The following SLC36A4 variants were observed in gnomAD, a reference collection of about 807,000 sequenced individuals.
SLC36A4 encodes neutral amino acid uniporter 4.
Under a neutral mutation model 50.5 loss-of-function variants are expected in SLC36A4, and 49 were observed. The ratio of observed to expected loss-of-function variants is 0.97; its 90% CI spans 0.77 to 1.23. SLC36A4 has a LOEUF of 1.23. Among genes scored for constraint, SLC36A4 ranks in the 50% most tolerant of loss-of-function variants. The pLI, the probability that SLC36A4 is intolerant of heterozygous loss-of-function variation, is 0.00. For synonymous variants in SLC36A4, 207 were observed against 206.5 expected (o/e 1.00, Z -0.02); for missense variants, 611 against 608.4 (o/e 1.00, Z -0.05).
intron 7 of SLC36A4, 98 bp downstream of exon 7, chr11:93,167,846 T>C (rs575062361): frequency 1.4e-6 from 1 of 703,604 alleles, no homozygotes; most frequent in East Asian, 2.6e-5. Context: ...ACATATGAAG[T>C]AGGGGTCTTT....
chr11:93,158,970 TG>T (rs1198404987), intron 9 of SLC36A4, among the ~76,000 whole-genome samples: 1 of 152,136 alleles, frequency 6.6e-6, no homozygotes, highest in Non-Finnish European at 1.5e-5. Flanking sequence ...CCAAAGCTCC[TG>T]AGAGTTACAG....
intron 10 of SLC36A4, chr11:93,152,705 T>C (rs1222699329): frequency 1.3e-5 from 2 of 152,042 alleles, no homozygotes; most frequent in African/African-American, 4.8e-5. Context: ...GGTGAAGTTA[T>C]AAAAAAATCC....
intron 3 of SLC36A4, 136 bp from the exon 4 acceptor site, chr11:93,183,030 A>T (rs1167586834): frequency 2.8e-5 from 17 of 597,234 alleles, no homozygotes; most frequent in Non-Finnish European, 4.1e-5. Flanking sequence ...TGCATAAGGG[A>T]AAACTAATAA....
intron 2 of SLC36A4, 44 bp downstream of exon 2, chr11:93,185,647 T>C (rs1178742188): frequency 1.3e-6 from 2 of 1,506,962 alleles, no homozygotes; most frequent in Non-Finnish European, 1.8e-6. Flanking sequence ...ACAAAATACA[T>C]ACTGAATTAA....
chr11:93,173,467 A>T (rs1861284410), intron 6 of SLC36A4, among the ~76,000 whole-genome samples: 1 of 148,662 alleles, frequency 6.7e-6, no homozygotes, highest in East Asian at 2.0e-4. Flanking sequence ...CCCATTTGTC[A>T]ATTTTGTCTT....
At chr11:93,187,293 TC>T (rs1160710011) in intron 1 of SLC36A4, among the ~76,000 whole-genome samples, 1 of 152,228 alleles carries the variant, frequency 6.6e-6, no homozygotes, top group Non-Finnish European at 1.5e-5. Context: ...TTACTACATG[TC>T]TTGGGGTTGA....
chr11:93,186,053 C>T (rs1170600667), intron 1 of SLC36A4, among the ~76,000 whole-genome samples: 1 of 152,110 alleles, frequency 6.6e-6, no homozygotes, highest in East Asian at 1.9e-4. Context: ...ATATTAAATG[C>T]AAAACTTTTT....
rs190594429 is a variant in SLC36A4 at position 93,162,932 on chromosome 11, G to T, written c.868-57C>A. 461 of 1,518,696 alleles carry T rather than the reference G, an allele frequency of 3.0e-4. 5 individuals are homozygous for T. The African/African-American group carries it at 5.9e-3, about 20-fold the overall frequency. The allele number at this position is 1,518,696 out of a possible 1,614,324, so 94.1% of individuals were successfully genotyped here. On this transcript the variant is annotated intron_variant, in intron 8 of 10. Transcript: ENST00000326402. The stretch of plus-strand genomic sequence containing the variant: ...GGAATACAAGTATTTAAAAATAACA[G>T]TGTCTCTTATACATACAAATTGGTT...
intron 10 of SLC36A4, among the ~76,000 whole-genome samples, chr11:93,153,567 T>C (rs2134630266): frequency 6.6e-6 from 1 of 152,154 alleles, no homozygotes; most frequent in East Asian, 1.9e-4. Flanking sequence ...GAACTCAAGC[T>C]CCCTTTCCAT....
chr11:93,177,504 C>A (rs2134683811), intron 6 of SLC36A4, among the ~76,000 whole-genome samples: 1 of 152,198 alleles, frequency 6.6e-6, no homozygotes, highest in Admixed American at 6.5e-5. Context: ...TGGCGAGGAG[C>A]TGCGTTCCTT....
chr11:93,181,737 C>A lies in SLC36A4; in HGVS notation c.409G>T (p.Glu137Ter). Residue 137 changes from glutamate (E) to a stop codon, truncating the protein, a stop_gained, in exon 5 of 11, where the codon GAA becomes TAA. Transcript: ENST00000326402. LOFTEE classifies it high-confidence loss of function. ...TGAAGACAACTCCAAGGACTCACTTCCATAGCAAAGCTCACAGTGTCACTA... is the reference window on the plus strand; with the variant it reads ...TGAAGACAACTCCAAGGACTCACTTACATAGCAAAGCTCACAGTGTCACTA... Reference protein sequence around the residue: ...GYSDTVSFAMEVSPWSCLQKQ... With the variant: ...GYSDTVSFAM The A allele has an allele frequency of 6.5e-7, 1 of 1,546,020 alleles. No individual in the cohort carries two copies. The highest frequency in any genetic ancestry group is 2.3e-5 in the East Asian group (1 of 42,756).
chr11:93,172,714 C>T (rs373632334), intron 6 of SLC36A4, among the ~76,000 whole-genome samples: 4 of 133,332 alleles, frequency 3.0e-5, no homozygotes, highest in East Asian at 2.2e-4. Context: ...TTTGTTCTTG[C>T]GATAGTTTAC....
At chr11:93,187,792 T>G (rs1026009391) in intron 1 of SLC36A4, among the ~76,000 whole-genome samples, 1 of 152,126 alleles carries the variant, frequency 6.6e-6, no homozygotes, top group Non-Finnish European at 1.5e-5. Context: ...GGACCACCAA[T>G]TTTCCCCATT....
intron 6 of SLC36A4, among the ~76,000 whole-genome samples, chr11:93,174,938 G>A (rs974565387): frequency 1.1e-3 from 167 of 150,154 alleles, no homozygotes; most frequent in Non-Finnish European, 1.7e-3. Context: ...CCCGGCTTTG[G>A]TATCGGAATG....
At chr11:93,192,272 G>C (rs1270042589) in intron 1 of SLC36A4, among the ~76,000 whole-genome samples, 1 of 152,120 alleles carries the variant, frequency 6.6e-6, no homozygotes, top group Non-Finnish European at 1.5e-5. Flanking sequence ...ATATCCTGTG[G>C]GAGGGAGAGT....
At chr11:93,180,178 C>T in intron 6 of SLC36A4, 1 of 982,830 alleles carries the variant, frequency 1.0e-6, no homozygotes, top group Non-Finnish European at 1.2e-6. Flanking sequence ...AATAATGATA[C>T]CAGTCATAAA....
chr11:93,151,150 T>C (rs76394205), intron 10 of SLC36A4, among the ~76,000 whole-genome samples: 5,930 of 152,086 alleles, frequency 0.039, 218 homozygotes, highest in African/African-American at 0.095. Context: ...ATGTTATTAG[T>C]AGACAAAGAA....
At chr11:93,179,264 C>T (rs914540618) in intron 6 of SLC36A4, among the ~76,000 whole-genome samples, 6 of 152,132 alleles carry the variant, frequency 3.9e-5, no homozygotes, top group African/African-American at 1.4e-4. Flanking sequence ...GAGCCAATAA[C>T]CATACTGGGT....
At chr11:93,165,353 A>G (rs1486147834) in intron 8 of SLC36A4, among the ~76,000 whole-genome samples, 1 of 152,146 alleles carries the variant, frequency 6.6e-6, no homozygotes, top group Non-Finnish European at 1.5e-5. Flanking sequence ...GAATCCTCAG[A>G]ATCTTTGGAG....
Sources: allele counts gnomAD v4.1 joint callset (sites outside exome capture counted in the v4.1 genomes callset), GRCh38; gene constraint gnomAD v4.1.1; transcripts MANE v1.5; gene names NCBI Gene and HGNC (gene_info 2026-07-23, HGNC 2026-07-21).